TANGO6: variants seen among roughly 807,000 people sequenced by gnomAD.
The protein encoded by TANGO6 is transport and Golgi organization protein 6 homolog.
TANGO6 carries 90 observed loss-of-function variants against 114.2 expected under a neutral mutation model. The observed-to-expected ratio is 0.79, with a 90% CI of 0.66 to 0.94. The LOEUF (loss-of-function observed/expected upper bound fraction) is 0.94. TANGO6 is among the 40% of genes least tolerant of loss of function. The pLI, the probability that TANGO6 is intolerant of heterozygous loss-of-function variation, is 0.00. For missense variants in TANGO6, 1,274 were observed against 1,315.3 expected (o/e 0.97, Z 0.49); for synonymous variants, 477 against 509.8 (o/e 0.94, Z 0.87).
At chr16:69,063,805 CTTCTTATTATTATTATTA>C (rs1276142029) in intron 17 of TANGO6, among the ~76,000 whole-genome samples, 3 of 118,536 alleles carry the variant, frequency 2.5e-5, no homozygotes, top group Non-Finnish European at 5.0e-5. Context: ...TCTTCTTCTT[CTTCTTATTATTATTATTA>C]TTATTATTAT....
At chr16:68,944,021 CT>C (rs1201667787) in intron 14 of TANGO6, among the ~76,000 whole-genome samples, 1 of 152,082 alleles carries the variant, frequency 6.6e-6, no homozygotes, top group Non-Finnish European at 1.5e-5. Context: ...GCTAGTCAGT[CT>C]TTGAGTCCGG....
intron 15 of TANGO6, among the ~76,000 whole-genome samples, chr16:68,982,638 T>TATTTA (rs1234435694): frequency 1.2e-4 from 16 of 134,362 alleles, no homozygotes; most frequent in African/African-American, 4.0e-4. Context: ...GCCTTTTTTT[T>TATTTA]TTTTTTTTTT....
chr16:68,923,143 A>G (rs1447686662), intron 12 of TANGO6, among the ~76,000 whole-genome samples: 10 of 148,214 alleles, frequency 6.7e-5, no homozygotes, highest in Non-Finnish European at 1.5e-4. Flanking sequence ...TTTGTAGTAG[A>G]GATGGGGTTT....
intron 17 of TANGO6, among the ~76,000 whole-genome samples, chr16:69,046,063 C>CAAAA (rs61017260): frequency 6.3e-5 from 6 of 95,934 alleles, no homozygotes; most frequent in East Asian, 3.1e-4. Flanking sequence ...GACTCCAACT[C>CAAAA]AAAAAAAAAA....
intron 14 of TANGO6, among the ~76,000 whole-genome samples, chr16:68,949,269 T>C (rs537345999): frequency 6.6e-6 from 1 of 152,224 alleles, no homozygotes; most frequent in Non-Finnish European, 1.5e-5. Context: ...CACGTAGCTT[T>C]CTGTATAGAA....
At chr16:68,934,157 G>A (rs78519837) in intron 14 of TANGO6, among the ~76,000 whole-genome samples, 4 of 151,276 alleles carry the variant, frequency 2.6e-5, no homozygotes, top group Middle Eastern at 3.4e-3. Context: ...GTCCTACCAC[G>A]TCTGCCTCCT....
At chr16:68,878,402 T>A in intron 6 of TANGO6, 122 bp downstream of exon 6, 1 of 1,210,548 alleles carries the variant, frequency 8.3e-7, no homozygotes, top group Non-Finnish European at 1.1e-6. Context: ...TCCCCCCAAC[T>A]TTTTATTTTG....
At chr16:69,081,346 G>A (rs1360717172) in intron 17 of TANGO6, among the ~76,000 whole-genome samples, 1 of 151,860 alleles carries the variant, frequency 6.6e-6, no homozygotes, top group Non-Finnish European at 1.5e-5. Context: ...CTAGTTGGAC[G>A]AGTTGGTCCC....
At chr16:68,979,749 T>G (rs1258009216) in intron 15 of TANGO6, among the ~76,000 whole-genome samples, 1 of 152,142 alleles carries the variant, frequency 6.6e-6, no homozygotes, top group East Asian at 1.9e-4. Context: ...TATTGACTAG[T>G]TAAGATTCCG....
rs770345800 is a variant in TANGO6, at chr16:68,860,466, G to T, written c.677G>T (p.Gly226Val). 19 of 1,613,854 alleles carry T rather than the reference G, an allele frequency of 1.2e-5. No individual in the cohort carries two copies. Among genetic ancestry groups the T allele is most frequent in the Non-Finnish European group, 1.5e-5 (18 of 1,179,910 alleles). The change falls in exon 2 of 18, where the codon GGT becomes GTT. Residue 226 changes from glycine (G) to valine (V), a missense_variant. Transcript: ENST00000261778. ...FCHHFGDIAA[G>V]LCQLGFCPTK... ...CACCACTTTGGGGATATCGCAGCAGGTCTGTGCCAACTGGGATTCTGCCCA... is the reference window on the plus strand; with the variant it reads ...CACCACTTTGGGGATATCGCAGCAGTTCTGTGCCAACTGGGATTCTGCCCA...
At chr16:68,952,870 T>C (rs1342256534) in intron 14 of TANGO6, among the ~76,000 whole-genome samples, 1 of 152,130 alleles carries the variant, frequency 6.6e-6, no homozygotes, top group Non-Finnish European at 1.5e-5. Flanking sequence ...AAGGTGTTTC[T>C]TAGGAGAAAG....
intron 17 of TANGO6, among the ~76,000 whole-genome samples, chr16:69,053,241 C>T (rs1959981623): frequency 1.3e-5 from 2 of 151,896 alleles, no homozygotes; most frequent in Admixed American, 1.3e-4. Context: ...TATTAACATG[C>T]TCTCACAAAT....
intron 4 of TANGO6, among the ~76,000 whole-genome samples, chr16:68,870,598 C>T (rs1265473753): frequency 6.6e-6 from 1 of 152,126 alleles, no homozygotes; most frequent in East Asian, 1.9e-4. Context: ...GTTCCCCCAA[C>T]TTGTGCATGT....
At chr16:69,079,598 A>G (rs1960437109) in intron 17 of TANGO6, among the ~76,000 whole-genome samples, 1 of 152,112 alleles carries the variant, frequency 6.6e-6, no homozygotes, top group Non-Finnish European at 1.5e-5. Context: ...AGTTTTTACG[A>G]ATCATTAAGG....
At chr16:68,972,283 C>G (rs544898616) in intron 14 of TANGO6, among the ~76,000 whole-genome samples, 1 of 151,988 alleles carries the variant, frequency 6.6e-6, no homozygotes, top group Non-Finnish European at 1.5e-5. Context: ...ACAGGTGCAG[C>G]CCTCAGCAGG....
chr16:68,881,476 T>G (rs988920855), intron 7 of TANGO6, among the ~76,000 whole-genome samples: 1 of 152,170 alleles, frequency 6.6e-6, no homozygotes, highest in Non-Finnish European at 1.5e-5. Flanking sequence ...ATCATGCCAC[T>G]GCACTCCAGC....
chr16:68,970,772 AT>A (rs1252430987), intron 14 of TANGO6, among the ~76,000 whole-genome samples: 1 of 152,062 alleles, frequency 6.6e-6, no homozygotes, highest in Non-Finnish European at 1.5e-5. Context: ...AGCAAATCCC[AT>A]TTTTCCACTG....
intron 14 of TANGO6, among the ~76,000 whole-genome samples, chr16:68,934,421 T>G (rs1201812915): frequency 6.6e-6 from 1 of 152,156 alleles, no homozygotes; most frequent in Non-Finnish European, 1.5e-5. Flanking sequence ...AAAGTTGTAA[T>G]TAGGTTCAAA....
intron 12 of TANGO6, among the ~76,000 whole-genome samples, chr16:68,924,190 A>C (rs1963135478): frequency 2.1e-5 from 3 of 141,972 alleles, no homozygotes; most frequent in Non-Finnish European, 3.0e-5. Context: ...GTTCTCTCTA[A>C]TTCTTTTGCT....
Sources: allele counts gnomAD v4.1 joint callset (sites outside exome capture counted in the v4.1 genomes callset), GRCh38; gene constraint gnomAD v4.1.1; transcripts MANE v1.5; gene names NCBI Gene and HGNC (gene_info 2026-07-23, HGNC 2026-07-21).